MCU: variants seen among roughly 807,000 people sequenced by gnomAD.
The protein encoded by MCU is calcium uniporter protein, mitochondrial.
A neutral mutation model predicts 45.2 loss-of-function variants in MCU; 12 were observed. The observed-to-expected ratio is 0.27, with a 90% CI of 0.17 to 0.43. The LOEUF is 0.43. MCU is among the 20% of genes least tolerant of loss of function. The pLI, the probability that MCU is intolerant of heterozygous loss-of-function variation, is 1.00. For missense variants in MCU, 324 were observed against 436.7 expected, an observed-to-expected ratio of 0.74 and a Z score of 2.30; for synonymous variants, 160 against 165.1, an observed-to-expected ratio of 0.97 and a Z score of 0.24.
At chr10:72,693,748 A>G (rs895072166) in intron 1 of MCU, among the ~76,000 whole-genome samples, 1 of 152,176 alleles carries the variant, frequency 6.6e-6, no homozygotes, top group African/African-American at 2.4e-5. Flanking sequence ...CCACAGTTCA[A>G]TTTAATTTGC....
chr10:72,830,774 C>T (rs1439708156), intron 1 of MCU, among the ~76,000 whole-genome samples: 1 of 152,132 alleles, frequency 6.6e-6, no homozygotes, highest in Admixed American at 6.5e-5. Flanking sequence ...GTTGCCAGAT[C>T]CAGTGAAGGT....
At chr10:72,798,499 C>T (rs1474566323) in intron 1 of MCU, among the ~76,000 whole-genome samples, 2 of 152,262 alleles carry the variant, frequency 1.3e-5, no homozygotes, top group African/African-American at 2.4e-5. Flanking sequence ...ACCATGCTGG[C>T]CAGGCTGGTC....
intron 1 of MCU, among the ~76,000 whole-genome samples, chr10:72,782,659 C>T (rs745367790): frequency 1.3e-5 from 2 of 152,208 alleles, no homozygotes; most frequent in Non-Finnish European, 2.9e-5. Flanking sequence ...TGAGCTACCA[C>T]GCCCGGCCCA....
chr10:72,797,707 A>G (rs1564559631), intron 1 of MCU, among the ~76,000 whole-genome samples: 1 of 148,842 alleles, frequency 6.7e-6, no homozygotes, highest in East Asian at 2.0e-4. Context: ...GCTAGTTTTT[A>G]TATTTTTAGT....
intron 1 of MCU, among the ~76,000 whole-genome samples, chr10:72,709,343 G>C (rs1390820422): frequency 6.6e-6 from 1 of 152,174 alleles, no homozygotes; most frequent in African/African-American, 2.4e-5. Context: ...ACAGATGTCA[G>C]AATACTTTAA....
chr10:72,703,962 A>G (rs1168139661), intron 1 of MCU, among the ~76,000 whole-genome samples: 1 of 152,168 alleles, frequency 6.6e-6, no homozygotes, highest in Non-Finnish European at 1.5e-5. Context: ...ATTTTTTACT[A>G]TGTATTTTAT....
chr10:72,841,110 T>C (rs1287380109), intron 2 of MCU, among the ~76,000 whole-genome samples: 5 of 152,168 alleles, frequency 3.3e-5, no homozygotes, highest in Non-Finnish European at 2.9e-5. Context: ...AGAATGCAGC[T>C]TGATGAAAAT....
chr10:72,751,989 G>A (rs764503292), intron 1 of MCU, among the ~76,000 whole-genome samples: 1 of 151,498 alleles, frequency 6.6e-6, no homozygotes, highest in Middle Eastern at 3.2e-3. Flanking sequence ...ACAGGCACCC[G>A]CCACCACGCT....
chr10:72,700,058 ATTTTTT>A (rs71021525), intron 1 of MCU, among the ~76,000 whole-genome samples: 1 of 135,386 alleles, frequency 7.4e-6, no homozygotes, highest in Non-Finnish European at 1.5e-5. Flanking sequence ...TTGGGGTCAA[ATTTTTT>A]TTTTTTTTTT....
intron 1 of MCU, among the ~76,000 whole-genome samples, chr10:72,723,031 C>T (rs1053271304): frequency 3.3e-5 from 5 of 152,042 alleles, no homozygotes; most frequent in African/African-American, 4.8e-5. Flanking sequence ...CCCATCTCTA[C>T]TAAAGATACA....
chr10:72,885,543 A>G (rs895590017), intron 7 of MCU, among the ~76,000 whole-genome samples: 10 of 152,168 alleles, frequency 6.6e-5, no homozygotes, highest in Non-Finnish European at 1.2e-4. Flanking sequence ...ACTGCCAAGG[A>G]TGGCTTCCAT....
intron 4 of MCU, among the ~76,000 whole-genome samples, chr10:72,866,688 TACTAGGGTTTTATA>T (rs1316757884): frequency 6.6e-6 from 1 of 152,118 alleles, no homozygotes; most frequent in African/African-American, 2.4e-5. Context: ...GCCTGGCCAG[TACTAGGGTTTTATA>T]AATACATGGG....
intron 1 of MCU, among the ~76,000 whole-genome samples, chr10:72,738,672 T>G (rs1299133626): frequency 6.6e-6 from 1 of 152,250 alleles, no homozygotes; most frequent in Admixed American, 6.5e-5. Flanking sequence ...TTTATAATGG[T>G]CACTCCTCTG....
intron 2 of MCU, among the ~76,000 whole-genome samples, chr10:72,835,909 G>A (rs1844949381): frequency 6.6e-6 from 1 of 152,160 alleles, no homozygotes; most frequent in Non-Finnish European, 1.5e-5. Flanking sequence ...GTGGCCAAGA[G>A]CCAGAGGACC....
chr10:72,735,832 C>G (rs1422990229), intron 1 of MCU, among the ~76,000 whole-genome samples: 1 of 152,130 alleles, frequency 6.6e-6, no homozygotes, highest in East Asian at 1.9e-4. Flanking sequence ...CTTTGTGGAT[C>G]TTCAACCTTG....
intron 1 of MCU, among the ~76,000 whole-genome samples, chr10:72,749,862 G>A (rs1434745772): frequency 1.3e-5 from 2 of 151,850 alleles, no homozygotes; most frequent in African/African-American, 2.4e-5. Flanking sequence ...CGCCTCCCAG[G>A]TTCAAGTGAT....
intron 1 of MCU, among the ~76,000 whole-genome samples, chr10:72,751,489 G>A (rs1381351058): frequency 6.7e-6 from 1 of 150,162 alleles, no homozygotes; most frequent in East Asian, 2.0e-4. Context: ...TGAGTAGCTG[G>A]GACTACAGGC....
intron 1 of MCU, among the ~76,000 whole-genome samples, chr10:72,804,013 A>T: frequency 1.6e-5 from 1 of 62,558 alleles, no homozygotes; most frequent in South Asian, 6.8e-4. Flanking sequence ...TTGGAATGTA[A>T]GTAAATATAT....
At chr10:72,776,253 A>AG (rs1278433819) in intron 1 of MCU, among the ~76,000 whole-genome samples, 3 of 152,200 alleles carry the variant, frequency 2.0e-5, no homozygotes, top group Admixed American at 6.5e-5. Flanking sequence ...AAAACAGATA[A>AG]GGACCCAAGA....
Sources: allele counts gnomAD v4.1 joint callset (sites outside exome capture counted in the v4.1 genomes callset), GRCh38; gene constraint gnomAD v4.1.1; transcripts MANE v1.5; gene names NCBI Gene and HGNC (gene_info 2026-07-23, HGNC 2026-07-21).